Variants in SYT9 observed in about 807,000 individuals in gnomAD.
SYT9 encodes synaptotagmin-9.
In SYT9, 22 loss-of-function variants were observed where a neutral mutation model predicts 48.4. The ratio of observed to expected loss-of-function variants is 0.45; its 90% CI spans 0.32 to 0.65. The LOEUF is 0.65. SYT9 is among the 30% of genes least tolerant of loss of function. SYT9 has a pLI of 0.03. For missense variants in SYT9, 577 were observed against 622.0 expected, an observed-to-expected ratio of 0.93 and a Z score of 0.77; for synonymous variants, 265 against 245.0, an observed-to-expected ratio of 1.08 and a Z score of -0.76.
At chr11:7,389,230 T>C (rs1850716950) in intron 3 of SYT9, among the ~76,000 whole-genome samples, 1 of 152,060 alleles carries the variant, frequency 6.6e-6, no homozygotes, top group Admixed American at 6.6e-5. Flanking sequence ...GTCCTTCTAG[T>C]GAATTATTGA....
intron 2 of SYT9, among the ~76,000 whole-genome samples, chr11:7,311,674 T>C (rs899536511): frequency 6.6e-6 from 1 of 152,182 alleles, no homozygotes; most frequent in Non-Finnish European, 1.5e-5. Context: ...TATGGACATT[T>C]TTTGAAGAAA....
intron 6 of SYT9, among the ~76,000 whole-genome samples, chr11:7,459,455 G>A (rs983574453): frequency 6.6e-6 from 1 of 152,184 alleles, no homozygotes; most frequent in Non-Finnish European, 1.5e-5. Flanking sequence ...AAAACCAAGA[G>A]GGTTTGGTAT....
intron 3 of SYT9, among the ~76,000 whole-genome samples, chr11:7,405,479 G>C (rs557650704): frequency 2.0e-5 from 3 of 152,276 alleles, no homozygotes; most frequent in Admixed American, 1.3e-4. Flanking sequence ...GGAGAAAGCA[G>C]AATTAGCATC....
Position 7,344,491 on chromosome 11 carries a change from A to AT in SYT9, c.1044+30559dup, listed in dbSNP as rs770705817. 5.0e-4 allele frequency among the ~76,000 whole-genome samples: 75 copies of AT among 151,050 alleles called. No homozygotes were observed. In the Middle Eastern group the frequency reaches 0.014, roughly 27 times the overall value. On this transcript the variant is annotated intron_variant, in intron 3 of 6. Transcript: ENST00000318881. ...CTGGCCTAATCCAAATTTATACAGT[A>AT]TTTTTTTTTACTGTTTTACTCTAGA...
At chr11:7,434,209 G>A (rs751009637) in intron 6 of SYT9, among the ~76,000 whole-genome samples, 45 of 152,294 alleles carry the variant, frequency 3.0e-4, no homozygotes, top group Non-Finnish European at 4.0e-4. Flanking sequence ...GAGAATTATC[G>A]GCTTGCAGTA....
intron 2 of SYT9, among the ~76,000 whole-genome samples, chr11:7,305,570 G>A (rs1589930319): frequency 6.6e-6 from 1 of 152,176 alleles, no homozygotes. Context: ...ATGCCTCAAA[G>A]CATTTTTAAC....
At chr11:7,248,139 A>C (rs754775168), upstream of SYT9, among the ~76,000 whole-genome samples, 1 of 151,806 alleles carries the variant, frequency 6.6e-6, no homozygotes, top group African/African-American at 2.4e-5. Context: ...AGAATTGTCT[A>C]TCCATGTCCT....
chr11:7,342,796 C>T (rs1849737103), intron 3 of SYT9, among the ~76,000 whole-genome samples: 1 of 152,236 alleles, frequency 6.6e-6, no homozygotes, highest in Admixed American at 6.5e-5. Flanking sequence ...AGCAGAGGTT[C>T]TCCATGAGGG....
intron 5 of SYT9, among the ~76,000 whole-genome samples, chr11:7,419,353 T>C (rs1847306983): frequency 6.6e-6 from 1 of 152,146 alleles, no homozygotes; most frequent in Admixed American, 6.5e-5. Flanking sequence ...TTGATTTTAA[T>C]GGGCAGAGAC....
At chr11:7,353,699 T>C (rs1018055001) in intron 3 of SYT9, among the ~76,000 whole-genome samples, 1 of 71,872 alleles carries the variant, frequency 1.4e-5, no homozygotes, top group African/African-American at 3.7e-5. Flanking sequence ...TCCTCTGTTA[T>C]AGTATTTATT....
At chr11:7,466,382 C>T (rs1024597071) in intron 6 of SYT9, among the ~76,000 whole-genome samples, 2 of 152,096 alleles carry the variant, frequency 1.3e-5, no homozygotes, top group Non-Finnish European at 2.9e-5. Flanking sequence ...GGCTTAGTAT[C>T]CCCAGCATCT....
At chr11:7,422,966 T>G (rs149468957) in intron 6 of SYT9, among the ~76,000 whole-genome samples, 2 of 152,266 alleles carry the variant, frequency 1.3e-5, no homozygotes, top group African/African-American at 4.8e-5. Context: ...TCCACAGTTA[T>G]GTAACTGAAA....
chr11:7,296,549 T>G (rs2133927122), intron 1 of SYT9, among the ~76,000 whole-genome samples: 1 of 152,302 alleles, frequency 6.6e-6, no homozygotes, highest in Non-Finnish European at 1.5e-5. Flanking sequence ...CAATTTCTCC[T>G]CCTTCCTCTC....
intron 3 of SYT9, among the ~76,000 whole-genome samples, chr11:7,321,354 C>T (rs1012900418): frequency 2.6e-5 from 4 of 152,168 alleles, no homozygotes; most frequent in African/African-American, 7.2e-5. Context: ...TGGAGGTGGA[C>T]ACCTGGAACC....
intron 1 of SYT9, among the ~76,000 whole-genome samples, chr11:7,256,873 G>C (rs1847981457): frequency 6.6e-6 from 1 of 152,170 alleles, no homozygotes; most frequent in African/African-American, 2.4e-5. Flanking sequence ...CTCATGATTA[G>C]TGATTCTTCT....
At chr11:7,391,322 A>G (rs1166414845) in intron 3 of SYT9, among the ~76,000 whole-genome samples, 2 of 152,144 alleles carry the variant, frequency 1.3e-5, no homozygotes, top group African/African-American at 2.4e-5. Context: ...GTATATACCC[A>G]TAAGTGAGAT....
At chr11:7,441,653 G>A (rs762733934) in intron 6 of SYT9, 1 of 152,144 alleles carries the variant, frequency 6.6e-6, no homozygotes, top group Non-Finnish European at 1.5e-5. Flanking sequence ...TCGCAAGATG[G>A]ATGCAGGTCT....
At chr11:7,284,802 A>G (rs1415449917) in intron 1 of SYT9, among the ~76,000 whole-genome samples, 1 of 151,990 alleles carries the variant, frequency 6.6e-6, no homozygotes, top group Non-Finnish European at 1.5e-5. Flanking sequence ...GGAGCCTTCT[A>G]GGTTAGTCTT....
At chr11:7,447,306 G>A (rs1847952411) in intron 6 of SYT9, among the ~76,000 whole-genome samples, 1 of 152,078 alleles carries the variant, frequency 6.6e-6, no homozygotes, top group African/African-American at 2.4e-5. Context: ...TAGAACCCAA[G>A]TTCCTTAGAG....
Sources: gnomAD v4.1 joint callset for allele counts (sites outside exome capture counted in the v4.1 genomes callset) on GRCh38, gnomAD v4.1.1 for gene constraint, MANE v1.5 for transcripts, NCBI Gene and HGNC (gene_info 2026-07-23, HGNC 2026-07-21) for gene names.